The following ADAMTS20 variants were observed in gnomAD, a reference collection of about 807,000 sequenced individuals.
ADAMTS20 encodes ADAM metallopeptidase with thrombospondin type 1 motif 20.
In ADAMTS20, 225 loss-of-function variants were observed where a neutral mutation model predicts 260.1. The observed-to-expected ratio is 0.87, with a 90% confidence interval of 0.78 to 0.97. The LOEUF (loss-of-function observed/expected upper bound fraction) is 0.97. Ranked by LOEUF, ADAMTS20 falls within the 50% of genes least tolerant of loss-of-function variation. The pLI is 0.00. For synonymous variants in ADAMTS20, 802 were observed against 769.5 expected (o/e 1.04, Z -0.70); for missense variants, 2,400 against 2,337.7 (o/e 1.03, Z -0.55).
intron 3 of ADAMTS20, among the ~76,000 whole-genome samples, chr12:43,519,458 A>G (rs1050313097): frequency 6.6e-6 from 1 of 152,174 alleles, no homozygotes; most frequent in Non-Finnish European, 1.5e-5. Flanking sequence ...GAATAAATGA[A>G]CAAATAAAAA....
At chr12:43,488,218 T>C (rs962253745) in intron 7 of ADAMTS20, among the ~76,000 whole-genome samples, 6 of 152,014 alleles carry the variant, frequency 3.9e-5, no homozygotes, top group East Asian at 1.9e-4. Context: ...GATGTGGTTA[T>C]AGAGTTCAGG....
chr12:43,378,737 G>GA (rs1296361342), intron 31 of ADAMTS20, among the ~76,000 whole-genome samples: 1 of 152,096 alleles, frequency 6.6e-6, no homozygotes, highest in Non-Finnish European at 1.5e-5. Context: ...TCATAATGAA[G>GA]AAAAAACCTG....
intron 22 of ADAMTS20, 50 bp downstream of exon 22, chr12:43,431,282 C>T: frequency 6.4e-7 from 1 of 1,562,942 alleles, no homozygotes; most frequent in Non-Finnish European, 8.7e-7. Context: ...AACTTTTGTG[C>T]TATTCTGTAA....
At chr12:43,384,021 C>T in intron 29 of ADAMTS20, 44 bp from the exon 30 acceptor site, 1 of 1,531,276 alleles carries the variant, frequency 6.5e-7, no homozygotes, top group Non-Finnish European at 8.8e-7. Flanking sequence ...CTAATAAATA[C>T]CAAATTATAT....
intron 2 of ADAMTS20, among the ~76,000 whole-genome samples, chr12:43,537,677 A>C (rs894402173): frequency 1.3e-5 from 2 of 151,838 alleles, no homozygotes. Context: ...CCCTCTCTCT[A>C]TCCTTCCCAG....
chr12:43,460,451 C>A (rs1293187406), intron 11 of ADAMTS20, among the ~76,000 whole-genome samples: 1 of 151,958 alleles, frequency 6.6e-6, no homozygotes, highest in Admixed American at 6.6e-5. Context: ...CAAAAGTCGG[C>A]AAGAAATACA....
chr12:43,513,095 T>C (rs1393097750), intron 3 of ADAMTS20, among the ~76,000 whole-genome samples: 1 of 152,122 alleles, frequency 6.6e-6, no homozygotes, highest in Non-Finnish European at 1.5e-5. Flanking sequence ...AATAAAAACC[T>C]GAGACAAATC....
At chr12:43,382,953 C>T (rs1940386638) in intron 31 of ADAMTS20, among the ~76,000 whole-genome samples, 1 of 151,872 alleles carries the variant, frequency 6.6e-6, no homozygotes, top group Non-Finnish European at 1.5e-5. Context: ...ACAACCTGAT[C>T]AAATCTCAAA....
chr12:43,458,107 C>CA (rs1447347675), intron 11 of ADAMTS20, among the ~76,000 whole-genome samples: 5 of 152,172 alleles, frequency 3.3e-5, no homozygotes, highest in Non-Finnish European at 5.9e-5. Context: ...CATGAGACAT[C>CA]AGTCAATACA....
In ADAMTS20 at chr12:43,531,979, A is replaced by G. The variant is rs553527854; in HGVS notation, c.613+57T>C. On this transcript the variant is annotated intron_variant, in intron 3 of 38. Transcript: ENST00000389420. ...GAAATATATAAATTATAACCTATAAAAAAAGATTTAAATAGTATCACTATT... is the reference window on the plus strand; with the variant it reads ...GAAATATATAAATTATAACCTATAAGAAAAGATTTAAATAGTATCACTATT... The G allele has an allele frequency of 1.1e-5, 12 of 1,142,694 alleles. No individual in the cohort carries two copies. The African/African-American group carries it at 1.5e-4, about 14-fold the overall frequency. 70.8% of individuals were successfully genotyped at this position (1,142,694 alleles called of 1,614,324 possible).
chr12:43,427,173 C>T, intron 27 of ADAMTS20, 135 bp downstream of exon 27: 1 of 1,077,344 alleles, frequency 9.3e-7, no homozygotes. Context: ...ACCCTGTCTC[C>T]AAAAACAAAA....
intron 3 of ADAMTS20, 123 bp downstream of exon 3, chr12:43,531,913 G>T (rs922440985): frequency 1.0e-5 from 7 of 699,474 alleles, no homozygotes; most frequent in Admixed American, 9.0e-5. Context: ...TTTTATTTCT[G>T]AATTTAAAAA....
chr12:43,383,659 C>T lies in ADAMTS20; in HGVS notation c.4696G>A (p.Val1566Met). ...GAAGAATTATAGACTATTTCATTCACTTGTCTGATTTGGTTATCTGTGCAC... is the reference window on the plus strand; with the variant it reads ...GAAGAATTATAGACTATTTCATTCATTTGTCTGATTTGGTTATCTGTGCAC... ...MECTDNQIRQVNEIVYNSSTI... is the reference protein window; with the variant it reads ...MECTDNQIRQMNEIVYNSSTI... Residue 1566 changes from valine (V) to methionine (M), a missense_variant, in exon 31 of 39, where the codon GTG becomes ATG. Physicochemically the swap from Val to Met is conservative, Grantham distance 21. Transcript: ENST00000389420. The T allele has an allele frequency of 1.2e-6, 2 of 1,613,868 alleles. No homozygotes were observed. Among genetic ancestry groups the T allele is most frequent in the Non-Finnish European group, 1.7e-6 (2 of 1,179,838 alleles).
rs1407279123 is a variant in ADAMTS20 at position 43,463,004 on chromosome 12, T to C, written c.1510-5A>G. 1.3e-6 allele frequency: 2 copies of C among 1,592,068 alleles called. No homozygotes were observed. Among genetic ancestry groups the C allele is most frequent in the Admixed American group, 3.5e-5 (2 of 56,500 alleles). On this transcript the variant is annotated splice_polypyrimidine_tract_variant and splice_region_variant and intron_variant, in intron 10 of 38. Transcript: ENST00000389420. ...CCACAGATGCATGCATATATTCTCC[T>C]GAGTAACAAAAGGCAGGCAAGCCAG...
At chr12:43,397,321 G>T (rs1940724612) in intron 29 of ADAMTS20, among the ~76,000 whole-genome samples, 1 of 152,146 alleles carries the variant, frequency 6.6e-6, no homozygotes, top group African/African-American at 2.4e-5. Context: ...ACTCCCTAAG[G>T]ATAATGCTTA....
chr12:43,443,722 A>G, intron 16 of ADAMTS20, 69 bp downstream of exon 16: 1 of 1,272,754 alleles, frequency 7.9e-7, no homozygotes, highest in Non-Finnish European at 1.1e-6. Context: ...AAGAATTCAC[A>G]TCAACTACAG....
At chr12:43,359,606 A>G (rs1939825264) in intron 37 of ADAMTS20, among the ~76,000 whole-genome samples, 1 of 152,234 alleles carries the variant, frequency 6.6e-6, no homozygotes, top group Admixed American at 6.5e-5. Flanking sequence ...CTTATCGTAA[A>G]GCTATCCTAA....
At chr12:43,407,104 C>A (rs77255166) in intron 28 of ADAMTS20, among the ~76,000 whole-genome samples, 3,411 of 152,054 alleles carry the variant, frequency 0.022, 56 homozygotes, top group East Asian at 0.084. Flanking sequence ...GACTATTCAG[C>A]TCTAATAAGC....
chr12:43,461,226 G>A (rs1942059950), intron 11 of ADAMTS20, among the ~76,000 whole-genome samples: 1 of 151,052 alleles, frequency 6.6e-6, no homozygotes, highest in Non-Finnish European at 1.5e-5. Flanking sequence ...CTTGATCTCA[G>A]GTGATCCGCC....
Sources: allele counts gnomAD v4.1 joint callset (sites outside exome capture counted in the v4.1 genomes callset), GRCh38; gene constraint gnomAD v4.1.1; transcripts MANE v1.5; gene names NCBI Gene and HGNC (gene_info 2026-07-23, HGNC 2026-07-21).